C5orf34: variants seen among roughly 807,000 people sequenced by gnomAD.
C5orf34 encodes uncharacterized protein C5orf34.
Under a neutral mutation model 78.4 loss-of-function variants are expected in C5orf34, and 73 were observed. The observed-to-expected ratio is 0.93, with a 90% CI of 0.77 to 1.13. The LOEUF is 1.13. C5orf34 is among the 50% of genes most tolerant of loss of function. C5orf34 has a pLI of 0.00. For missense variants in C5orf34, 730 were observed against 732.7 expected, an observed-to-expected ratio of 1.00 and a Z score of 0.04; for synonymous variants, 251 against 246.6, an observed-to-expected ratio of 1.02 and a Z score of -0.17.
In C5orf34 at chr5:43,502,691, T is replaced by G. The variant is rs1225782467; in HGVS notation, c.1029-196A>C. ...CTCTTTCACGAAAAGATAAATAGAA[T>G]TGGCTTATGCATTTATTTCAACAAC... On this transcript the variant is annotated intron_variant, in intron 5 of 12. Coordinates refer to ENST00000306862, the MANE Select transcript of C5orf34 (RefSeq NM_198566.4). 1.3e-5 allele frequency among the ~76,000 whole-genome samples: 2 copies of G among 152,214 alleles called. 1 individual carries two copies. The highest frequency in any genetic ancestry group is 4.1e-4 in the South Asian group (2 of 4,830).
chr5:43,508,741 A>T, intron 2 of C5orf34, 75 bp from the exon 3 acceptor site: 6 of 891,970 alleles, frequency 6.7e-6, no homozygotes, highest in Non-Finnish European at 1.1e-5. Flanking sequence ...AGTACAGTAT[A>T]ATCCATAATA....
At chr5:43,488,075 C>G (rs921501857) in intron 11 of C5orf34, 126 bp from the exon 12 acceptor site, 1 of 657,036 alleles carries the variant, frequency 1.5e-6, no homozygotes, top group South Asian at 2.0e-5. Flanking sequence ...GAAGAATTCT[C>G]TTTATGTTAC....
At chr5:43,498,102 A>C (rs1033570596) in intron 6 of C5orf34, among the ~76,000 whole-genome samples, 1 of 152,162 alleles carries the variant, frequency 6.6e-6, no homozygotes, top group Non-Finnish European at 1.5e-5. Context: ...ACTTCAATTT[A>C]ATAGTTTTTT....
At chr5:43,496,526 T>A in intron 6 of C5orf34, 1 of 1,251,700 alleles carries the variant, frequency 8.0e-7, no homozygotes, top group Non-Finnish European at 1.1e-6. Context: ...AAAAAAGCCA[T>A]TTTCCCATTT....
chr5:43,502,170 G>T (rs1416771766), intron 6 of C5orf34, among the ~76,000 whole-genome samples: 1 of 152,166 alleles, frequency 6.6e-6, no homozygotes, highest in Non-Finnish European at 1.5e-5. Flanking sequence ...TAGGCAAATG[G>T]AGATAGCAGG....
chr5:43,513,891 G>A (rs1746376031), intron 1 of C5orf34, among the ~76,000 whole-genome samples: 2 of 152,062 alleles, frequency 1.3e-5, no homozygotes, highest in South Asian at 2.1e-4. Context: ...TTATTTACTT[G>A]CTTTTTATTT....
rs142144820 is a variant in C5orf34 at position 43,503,922 on chromosome 5, C to G, written c.933-162G>C. On this transcript the variant is annotated intron_variant, in intron 4 of 12. Coordinates refer to ENST00000306862, the MANE Select transcript of C5orf34 (RefSeq NM_198566.4). ...AGGTATATTAATGAAATGTAAAAAG[C>G]AAGTCTTTTTCCATGTTTTTTTCAC... 3.3e-3 allele frequency among the ~76,000 whole-genome samples: 499 copies of G among 152,102 alleles called. 1 individual carries two copies. The highest frequency in any genetic ancestry group is 0.012 in the African/African-American group (488 of 41,484).
intron 6 of C5orf34, chr5:43,496,476 T>TGAA (rs1745529391): frequency 1.3e-6 from 2 of 1,546,488 alleles, no homozygotes; most frequent in African/African-American, 2.7e-5. Context: ...GGGGTAGTTT[T>TGAA]CACAACACCT....
Position 43,493,555 on chromosome 5 carries a change from G to T in C5orf34, c.1302C>A (p.Cys434Ter), listed in dbSNP as rs754085853. ...RLSLSHNYRICCWKMVPGIND... is the reference protein window; with the variant it reads ...RLSLSHNYRI ...AATTTTAACATACCATTTTCCAGCA[G>T]CATATACGATAGTTATGGCTTAAAG... The change falls in exon 8 of 13, where the codon TGC (cysteine) becomes TGA (stop). Residue 434 changes from cysteine (C) to a stop codon, truncating the protein, a stop_gained. Transcript: ENST00000306862. LOFTEE classifies it high-confidence loss of function. 6.4e-6 allele frequency: 10 copies of T among 1,553,434 alleles called. No homozygotes were observed. Among genetic ancestry groups the T allele is most frequent in the Non-Finnish European group, 8.8e-6 (10 of 1,136,368 alleles).
At position 43,496,390 on chromosome 5, in the gene C5orf34, G is replaced by A. The variant is rs1388784894; in HGVS notation, c.1153-1789C>T. ...TTTGTAGGTCAGATGGCCAGTAGTG[G>A]TGGACTTGCCCGAATTTACGTGTCC... On this transcript the variant is annotated intron_variant, in intron 6 of 12. Coordinates refer to ENST00000306862, the MANE Select transcript of C5orf34 (RefSeq NM_198566.4). 10 of 1,595,464 alleles carry A rather than the reference G, an allele frequency of 6.3e-6. No homozygotes were observed. The South Asian group carries it at 9.9e-5, about 16-fold the overall frequency.
chr5:43,502,413 T>G lies in C5orf34; in HGVS notation c.1111A>C (p.Asn371His). Residue 371 changes from asparagine to histidine, a missense_variant, in exon 6 of 13, where the codon AAC (asparagine) becomes CAC (histidine). Asn to His is a moderately conservative substitution (Grantham distance 68). Transcript: ENST00000306862. ...VFKSEGAYFG[N>H]YFTYYSIQEG... ...TGAATAGAATAATAAGTAAAATAGT[T>G]CCCAAAATAAGCCCCTTCTGATTTG... The G allele has an allele frequency of 6.2e-7, 1 of 1,610,902 alleles. No homozygotes were observed. Among genetic ancestry groups the G allele is most frequent in the Non-Finnish European group, 8.5e-7 (1 of 1,177,976 alleles).
At chr5:43,494,770 AT>A (rs766158592) in intron 6 of C5orf34, among the ~76,000 whole-genome samples, 169 bp from the exon 7 acceptor site, 14 of 149,024 alleles carry the variant, frequency 9.4e-5, no homozygotes, top group African/African-American at 2.2e-4. Context: ...TCATTTTCCC[AT>A]TTTTTTTTTC....
intron 11 of C5orf34, chr5:43,488,237 T>C (rs1432203179): frequency 1.2e-5 from 5 of 415,478 alleles, no homozygotes; most frequent in East Asian, 4.3e-5. Context: ...CTGTTACTTC[T>C]TAGTACTAAC....
chr5:43,509,943 CG>C (rs1040175990), intron 1 of C5orf34, among the ~76,000 whole-genome samples: 2 of 151,826 alleles, frequency 1.3e-5, no homozygotes, highest in Admixed American at 6.6e-5. Flanking sequence ...TTAGTAGAGA[CG>C]GGGTTTTACC....
In C5orf34 at chr5:43,489,179, C is replaced by T. The variant is rs1001949956; in HGVS notation, c.1680-1230G>A. Among the ~76,000 whole-genome samples the T allele has an allele frequency of 9.2e-5, 14 of 151,476 alleles. 1 individual carries two copies. In the South Asian group the frequency reaches 2.1e-3, roughly 23 times the overall value. Reference sequence around the variant, plus strand: ...TTATTGTTATTGCTCTCATAATGAACGAACTTTTTATGAAACGTACTATTT... The same window carrying T: ...TTATTGTTATTGCTCTCATAATGAATGAACTTTTTATGAAACGTACTATTT... On this transcript the variant is annotated intron_variant, in intron 11 of 12. Coordinates refer to ENST00000306862, the MANE Select transcript of C5orf34 (RefSeq NM_198566.4).
chr5:43,498,081 T>A (rs1021961075), intron 6 of C5orf34, among the ~76,000 whole-genome samples: 1 of 152,220 alleles, frequency 6.6e-6, no homozygotes, highest in East Asian at 1.9e-4. Flanking sequence ...TGCCTCTTGG[T>A]CTTAATTACA....
At chr5:43,495,328 T>G in intron 6 of C5orf34, 1 of 1,611,808 alleles carries the variant, frequency 6.2e-7, no homozygotes, top group Non-Finnish European at 8.5e-7. Flanking sequence ...GATCAATCTT[T>G]TCCTTCAGCT....
rs1745455170 is a variant in C5orf34, at chr5:43,495,230, A to G, written c.1153-629T>C. On this transcript the variant is annotated intron_variant, in intron 6 of 12. Transcript: ENST00000306862. ...TGGATAGTCTGAGAAGCTCTCAACA[A>G]TGGGCTTGCCAGGAACCATATCAAC... 41 of 1,609,000 alleles carry G rather than the reference A, an allele frequency of 2.5e-5. No homozygotes were observed. In the South Asian group the frequency reaches 2.8e-4, roughly 11 times the overall value.
chr5:43,500,047 C>A (rs1181084607), intron 6 of C5orf34, among the ~76,000 whole-genome samples: 1 of 152,132 alleles, frequency 6.6e-6, no homozygotes, highest in African/African-American at 2.4e-5. Context: ...TTTAAGAAAG[C>A]CAAACCAATT....
Sources: allele counts gnomAD v4.1 joint callset (sites outside exome capture counted in the v4.1 genomes callset), GRCh38; gene constraint gnomAD v4.1.1; transcripts MANE v1.5; gene names NCBI Gene and HGNC (gene_info 2026-07-23, HGNC 2026-07-21).